The following C3 variants were observed in gnomAD, a reference collection of about 807,000 sequenced individuals.
C3 encodes C3 and PZP-like alpha-2-macroglobulin domain-containing protein 1.
In C3, 97 loss-of-function variants were observed where a neutral mutation model predicts 207.9. The ratio of observed to expected loss-of-function variants is 0.47; its 90% CI spans 0.40 to 0.55. The LOEUF (loss-of-function observed/expected upper bound fraction) is 0.55, where lower values mean the gene tolerates loss of function less well. C3 is among the 20% of genes least tolerant of loss of function. The pLI, the probability that C3 is intolerant of heterozygous loss-of-function variation, is 0.00. For missense variants in C3, 1,684 were observed against 2,171.7 expected (o/e 0.78, Z 4.46); for synonymous variants, 848 against 857.6 (o/e 0.99, Z 0.20).
rs760920399 is a variant in C3, at chr19:6,709,849, G to A, written c.1687-7C>T. The A allele has an allele frequency of 6.2e-7, 1 of 1,612,022 alleles. No individual in the cohort carries two copies. The highest frequency in any genetic ancestry group is 1.1e-5 in the South Asian group (1 of 91,044). ...GGCCGCTTTTTACCACCAGCTGTGG[G>A]GAGGGTGGAGACGCCGAAAGAAGTC... On this transcript the variant is annotated splice_polypyrimidine_tract_variant and splice_region_variant and intron_variant, in intron 13 of 40. Transcript: ENST00000245907.
chr19:6,682,413 T>C, intron 33 of C3, 184 bp from the exon 34 acceptor site: 2 of 618,324 alleles, frequency 3.2e-6, no homozygotes, highest in Non-Finnish European at 5.9e-6. Flanking sequence ...AATGTAATGG[T>C]CAAGGTGATT....
rs529524096 is a variant in C3, at chr19:6,695,226, C to T, written c.2951-592G>A. On this transcript the variant is annotated intron_variant, in intron 23 of 40. Coordinates refer to ENST00000245907, the MANE Select transcript of C3 (RefSeq NM_000064.4). Reference sequence around the variant, plus strand: ...CTGGGGTTGCAGTGAGCCGAGATCACGCCACTGCACTCTAGCCTGGCGACA... The same window carrying T: ...CTGGGGTTGCAGTGAGCCGAGATCATGCCACTGCACTCTAGCCTGGCGACA... Among the ~76,000 whole-genome samples, 296 of 150,532 alleles carry T rather than the reference C, an allele frequency of 2.0e-3. 1 individual carries two copies. Among genetic ancestry groups the T allele is most frequent in the African/African-American group, 6.1e-3 (250 of 40,848 alleles).
rs370787795 is a variant in C3 at position 6,678,041 on chromosome 19, A to G, written c.4851-18T>C. The G allele has an allele frequency of 6.2e-7, 1 of 1,614,104 alleles. No individual in the cohort carries two copies. Among genetic ancestry groups the G allele is most frequent in the Non-Finnish European group, 8.5e-7 (1 of 1,179,994 alleles). ...AGCTGAGGCTGGAGGGAAGAATGGC[A>G]GGTCAGGAAGGGGCGTGGTGTGGGC... is the stretch of plus-strand genomic sequence containing the variant. On this transcript the variant is annotated intron_variant, in intron 40 of 40. Coordinates refer to ENST00000245907, the MANE Select transcript of C3 (RefSeq NM_000064.4).
Position 6,693,428 on chromosome 19 carries a change from G to T in C3, c.3214C>A (p.Arg1072=), listed in dbSNP as rs766656069. The T allele has an allele frequency of 6.2e-7, 1 of 1,611,354 alleles. No individual in the cohort carries two copies. Among genetic ancestry groups the T allele is most frequent in the African/African-American group, 1.3e-5 (1 of 74,994 alleles). The change falls in exon 25 of 41, where the codon CGG becomes AGG. Residue 1072 remains arginine, a synonymous_variant. Transcript: ENST00000245907. Reference sequence around the variant, plus strand: ...GGGACTCACCAGGTGCTGGGTGCCCGTTTCACGAAGGCCGCAAAGGCAGAG... The same window carrying T: ...GGGACTCACCAGGTGCTGGGTGCCCTTTTCACGAAGGCCGCAAAGGCAGAG... ...PSSAFAAFVK[R]APSTWLTAYV... is the part of the protein sequence containing the mutation.
chr19:6,707,553 A>G lies in C3; in HGVS notation c.1976-16T>C, dbSNP rs756443546. On this transcript the variant is annotated splice_polypyrimidine_tract_variant and intron_variant, in intron 15 of 40. Coordinates refer to ENST00000245907, the MANE Select transcript of C3 (RefSeq NM_000064.4). ...CACTGAAGTTCTGCAGGGCAGGCGG[A>G]CCGAGAAGAAGATGGATGAGGCACC... The G allele has an allele frequency of 6.2e-7, 1 of 1,613,734 alleles. No homozygotes were observed. The highest frequency in any genetic ancestry group is 1.3e-5 in the African/African-American group (1 of 74,884).
chr19:6,681,362 C>CAAAAA (rs1917856362), intron 35 of C3, among the ~76,000 whole-genome samples: 1 of 67,264 alleles, frequency 1.5e-5, no homozygotes, highest in Non-Finnish European at 3.2e-5. Context: ...AAAAAAAAAG[C>CAAAAA]TGGGTACAAA....
At chr19:6,691,125 C>T (rs1017194622) in intron 26 of C3, among the ~76,000 whole-genome samples, 3 of 150,070 alleles carry the variant, frequency 2.0e-5, no homozygotes, top group Non-Finnish European at 4.4e-5. Context: ...GCAATCTCGA[C>T]TCCCTGCAAC....
chr19:6,684,894 TG>T (rs1217015051), intron 30 of C3, 60 bp from the exon 31 acceptor site: 6 of 1,605,980 alleles, frequency 3.7e-6, no homozygotes, highest in African/African-American at 2.7e-5. Context: ...CTGCCTGTGA[TG>T]GTCACCTGGC....
chr19:6,679,008 CCA>C, intron 38 of C3, 115 bp downstream of exon 38: 3 of 790,466 alleles, frequency 3.8e-6, no homozygotes, highest in East Asian at 5.2e-5. Context: ...CTCACACACA[CCA>C]CAGTCACCCA....
chr19:6,718,759 T>A (rs1001074021), intron 2 of C3, among the ~76,000 whole-genome samples: 1 of 139,926 alleles, frequency 7.1e-6, no homozygotes, highest in Non-Finnish European at 1.5e-5. Context: ...AGGGGAGGAG[T>A]TCAGAAGAGG....
rs1917949690 is a variant in C3, at chr19:6,684,572, C to T, written c.4108G>A (p.Ala1370Thr). 1 of 1,613,558 alleles carries T rather than the reference C, an allele frequency of 6.2e-7. No individual in the cohort carries two copies. The highest frequency in any genetic ancestry group is 1.3e-5 in the African/African-American group (1 of 74,888). ...TGATTCCTTTTACCTGTTTCCGGTG[C>T]TGGTTTTATGGTGACCTTGAGGTCG... Reference protein sequence around the residue: ...KFDLKVTIKPAPETEKRPQDA... With the variant: ...KFDLKVTIKPTPETEKRPQDA... Residue 1370 changes from alanine to threonine, a missense_variant, in exon 32 of 41, where the codon GCA (alanine) becomes ACA (threonine). By Grantham distance (58) the Ala-to-Thr change is moderately conservative (BLOSUM62 0). Coordinates refer to ENST00000245907, the MANE Select transcript of C3 (RefSeq NM_000064.4).
Position 6,707,888 on chromosome 19 carries a change from C to T in C3, c.1887G>A (p.Pro629=), listed in dbSNP as rs747150559. 6.2e-6 allele frequency: 10 copies of T among 1,613,830 alleles called. No individual in the cohort carries two copies. In the Admixed American group the frequency reaches 6.7e-5, roughly 11 times the overall value. The change falls in exon 15 of 41, where the codon CCG becomes CCA. Residue 629 remains proline, a synonymous_variant. Coordinates refer to ENST00000245907, the MANE Select transcript of C3 (RefSeq NM_000064.4). Reference sequence around the variant, plus strand: ...CACCGGCGTAATCCTTCCCACTGCCCGGGGTGCAGCCGATGTCTGCCTTCT... The same window carrying T: ...CACCGGCGTAATCCTTCCCACTGCCTGGGGTGCAGCCGATGTCTGCCTTCT... ...VVEKADIGCT[P]GSGKDYAGVF...
intron 14 of C3, among the ~76,000 whole-genome samples, chr19:6,708,499 CCCTTCCTCCCTCCATTCCTCCTTTCCT>C (rs1967833062): frequency 1.3e-5 from 2 of 151,400 alleles, no homozygotes; most frequent in Non-Finnish European, 2.9e-5. Flanking sequence ...TCCTCTCCCT[CCCTTCCTCCCTCCATTCCTCCTTTCCT>C]CCTTCCTTTG....
Position 6,700,452 on chromosome 19 carries a change from AAT to A in C3, c.2440+1673_2440+1674del, listed in dbSNP as rs1242675908. 1.5e-3 allele frequency among the ~76,000 whole-genome samples: 39 copies of A among 26,876 alleles called. 16 individuals carry two copies. Among genetic ancestry groups the A allele is most frequent in the Non-Finnish European group, 1.4e-3 (25 of 17,382 alleles). The allele number at this position is 26,876 out of a possible 152,430, so 17.6% of individuals were successfully genotyped here. A position where few individuals can be genotyped will look rare whatever the true frequency, so the allele number is the denominator to read the frequency against. ...ATGATATATGTAATATGATATATGT[AAT>A]ATATATGTTATATATGTAATATATA... On this transcript the variant is annotated intron_variant, in intron 19 of 40. Coordinates refer to ENST00000245907, the MANE Select transcript of C3 (RefSeq NM_000064.4).
chr19:6,710,767 A>G lies in C3; in HGVS notation c.1558T>C (p.Ser520Pro), dbSNP rs2145427864. Residue 520 changes from serine (S) to proline (P), a missense_variant, in exon 13 of 41, where the codon TCC (serine) becomes CCC (proline). Transcript: ENST00000245907. The stretch of plus-strand genomic sequence containing the variant: ...GAAGGGATGAAGTCGGTGGTGATGG[A>G]CAGGGGCAGCACCACCAGGTCCTGG... ...PGQDLVVLPL[S>P]ITTDFIPSFR... 2 of 1,613,810 alleles carry G rather than the reference A, an allele frequency of 1.2e-6. No homozygotes were observed. Among genetic ancestry groups the G allele is most frequent in the South Asian group, 1.1e-5 (1 of 91,086 alleles).
At chr19:6,704,003 A>G (rs1177626551) in intron 17 of C3, among the ~76,000 whole-genome samples, 2 of 152,100 alleles carry the variant, frequency 1.3e-5, no homozygotes, top group Non-Finnish European at 2.9e-5. Flanking sequence ...AAATCTCGAT[A>G]GGCTGGATGT....
Position 6,714,464 on chromosome 19 carries a change from G to A in C3, c.505-18C>T. The A allele has an allele frequency of 6.3e-7, 1 of 1,585,824 alleles. No homozygotes were observed. The highest frequency in any genetic ancestry group is 8.7e-7 in the Non-Finnish European group (1 of 1,154,940). On this transcript the variant is annotated intron_variant, in intron 4 of 40. Transcript: ENST00000245907. ...TCCGGGTTCTGTGGGAGGCAGGAGG[G>A]AAGGATAGAGGATAAAGTGGCTCTT...
intron 31 of C3, 53 bp downstream of exon 31, chr19:6,684,722 C>T: frequency 1.2e-6 from 2 of 1,604,652 alleles, no homozygotes; most frequent in Non-Finnish European, 1.7e-6. Context: ...AGGAGATGGT[C>T]CCTCTGGGGC....
chr19:6,690,142 C>T (rs573992194), intron 27 of C3, among the ~76,000 whole-genome samples: 80 of 152,306 alleles, frequency 5.3e-4, no homozygotes, highest in Non-Finnish European at 7.9e-4. Flanking sequence ...TTTGGAGTCA[C>T]GGATCCCTTT....
Sources: gnomAD v4.1 joint callset for allele counts (sites outside exome capture counted in the v4.1 genomes callset) on GRCh38, gnomAD v4.1.1 for gene constraint, MANE v1.5 for transcripts, NCBI Gene and HGNC (gene_info 2026-07-23, HGNC 2026-07-21) for gene names.